Variants in RAP1GAP2 observed in about 807,000 individuals in gnomAD.
RAP1GAP2 encodes the protein RAP1 GTPase activating protein 2.
In RAP1GAP2, 27 loss-of-function variants were observed where a neutral mutation model predicts 95.0. The observed-to-expected ratio is 0.28, with a 90% CI of 0.21 to 0.39. The LOEUF is 0.39. RAP1GAP2 is among the 10% of genes least tolerant of loss of function. The probability of loss-of-function intolerance (pLI) is 1.00; values close to 1 mark genes in which losing one functional copy is unlikely to be tolerated. For synonymous variants in RAP1GAP2, 373 were observed against 380.9 expected (o/e 0.98, Z 0.24); for missense variants, 771 against 970.0 (o/e 0.79, Z 2.72).
At chr17:2,930,861 C>T (rs1232341119) in intron 3 of RAP1GAP2, among the ~76,000 whole-genome samples, 6 of 152,208 alleles carry the variant, frequency 3.9e-5, no homozygotes, top group South Asian at 2.1e-4. Context: ...TGGTGGCTCA[C>T]GCCTGTAATC....
chr17:2,805,379 C>T (rs771670015), intron 2 of RAP1GAP2, among the ~76,000 whole-genome samples: 2 of 151,892 alleles, frequency 1.3e-5, no homozygotes, highest in Non-Finnish European at 1.5e-5. Flanking sequence ...TTTTTGAGAC[C>T]GCGTCTTGGT....
At chr17:2,814,075 A>AGTAG (rs1295122963) in intron 2 of RAP1GAP2, among the ~76,000 whole-genome samples, 7 of 152,294 alleles carry the variant, frequency 4.6e-5, no homozygotes, top group African/African-American at 1.7e-4. Context: ...TTCTAGGCCT[A>AGTAG]GTAGGTTCAC....
At chr17:2,845,870 A>G (rs1260725355) in intron 2 of RAP1GAP2, among the ~76,000 whole-genome samples, 3 of 144,646 alleles carry the variant, frequency 2.1e-5, no homozygotes, top group Non-Finnish European at 4.5e-5. Context: ...TAAAATAAAT[A>G]AATAAAATAA....
intron 3 of RAP1GAP2, among the ~76,000 whole-genome samples, chr17:2,942,833 T>C (rs2043547091): frequency 6.6e-6 from 1 of 152,158 alleles, no homozygotes; most frequent in African/African-American, 2.4e-5. Flanking sequence ...AGTGGTGTGA[T>C]ATTGGCTCAC....
chr17:2,841,931 G>C (rs1020185058), intron 2 of RAP1GAP2, among the ~76,000 whole-genome samples: 1 of 152,234 alleles, frequency 6.6e-6, no homozygotes, highest in Non-Finnish European at 1.5e-5. Flanking sequence ...TGGCAGGCAG[G>C]TGAGGAGACC....
At chr17:2,959,302 G>A (rs546396915) in intron 4 of RAP1GAP2, among the ~76,000 whole-genome samples, 1 of 152,174 alleles carries the variant, frequency 6.6e-6, no homozygotes, top group Non-Finnish European at 1.5e-5. Flanking sequence ...TGCAGGGCTT[G>A]TCTGTTCATG....
chr17:2,829,013 C>T (rs1283181454), intron 2 of RAP1GAP2, among the ~76,000 whole-genome samples: 4 of 61,920 alleles, frequency 6.5e-5, no homozygotes, highest in Admixed American at 4.3e-4. Flanking sequence ...TGGGAAACCT[C>T]GCTCTGTCGC....
intron 19 of RAP1GAP2, among the ~76,000 whole-genome samples, chr17:3,024,614 G>A (rs1567909747): frequency 6.6e-6 from 1 of 152,234 alleles, no homozygotes; most frequent in Admixed American, 6.5e-5. Context: ...CTAGTGTACA[G>A]ATACTCATGG....
chr17:2,826,450 C>T (rs1356552435), intron 2 of RAP1GAP2, among the ~76,000 whole-genome samples: 6 of 151,952 alleles, frequency 3.9e-5, no homozygotes, highest in Non-Finnish European at 5.9e-5. Context: ...GGGATCCGCT[C>T]GGGGAGGCTC....
In RAP1GAP2 at chr17:3,036,767, A is replaced by G. The variant is rs116943378; in HGVS notation, c.*3406A>G. 0.035 allele frequency: 5,336 copies of G among 152,688 alleles called. 115 individuals carry two copies. The highest frequency in any genetic ancestry group is 0.11 in the Middle Eastern group (31 of 294). 9.5% of individuals were successfully genotyped at this position (152,688 alleles called of 1,614,324 possible). A position where few individuals can be genotyped will look rare whatever the true frequency, so the allele number is the denominator to read the frequency against. ...CTCTTCATTTCTCCCTGATTCTTAA[A>G]CGAAGGTGGTTAATAGAAACTCAGG... On this transcript the variant is annotated 3_prime_UTR_variant, in exon 25 of 25. Transcript: ENST00000254695.
intron 2 of RAP1GAP2, among the ~76,000 whole-genome samples, chr17:2,805,660 A>C (rs1597343189): frequency 6.6e-6 from 1 of 152,140 alleles, no homozygotes; most frequent in Non-Finnish European, 1.5e-5. Flanking sequence ...GGCGTGAGCC[A>C]CTGCACCTGG....
rs1343382347 is a variant in RAP1GAP2, at chr17:3,027,152, G to A, written c.2107+82G>A. ...CCACTGTTAGCAGGGCCCCAGCCAC[G>A]CTGAACTGGCCAGTTTTCACCCCTC... On this transcript the variant is annotated intron_variant, in intron 22 of 24. Coordinates refer to ENST00000254695, the MANE Select transcript of RAP1GAP2 (RefSeq NM_015085.5). This position sits in a 1 kb window ranked among gnomAD's most constrained non-coding sequence, Gnocchi z 5.2. 13 of 1,465,128 alleles carry A rather than the reference G, an allele frequency of 8.9e-6. No individual in the cohort carries two copies. Among genetic ancestry groups the A allele is most frequent in the African/African-American group, 2.8e-5 (2 of 71,134 alleles). 90.8% of individuals were successfully genotyped at this position (1,465,128 alleles called of 1,614,324 possible). A position where few individuals can be genotyped will look rare whatever the true frequency, so the allele number is the denominator to read the frequency against.
chr17:2,916,714 C>T (rs1023155062), intron 3 of RAP1GAP2, among the ~76,000 whole-genome samples: 2 of 152,144 alleles, frequency 1.3e-5, no homozygotes, highest in Admixed American at 6.5e-5. Flanking sequence ...GCATCTGATA[C>T]GCAGGTGCTC....
chr17:2,812,271 A>G (rs1013715407), intron 2 of RAP1GAP2, among the ~76,000 whole-genome samples: 5 of 152,218 alleles, frequency 3.3e-5, no homozygotes, highest in East Asian at 3.9e-4. Context: ...CTGACTCTCA[A>G]TTAACCTTTT....
Position 2,936,873 on chromosome 17 carries a change from G to A in RAP1GAP2, c.166-20886G>A, listed in dbSNP as rs780905668. On this transcript the variant is annotated intron_variant, in intron 3 of 24. Coordinates refer to ENST00000254695, the MANE Select transcript of RAP1GAP2 (RefSeq NM_015085.5). Reference sequence around the variant, plus strand: ...CCATGCTCCTTGCTCTTCGTTTTCCGGATTGTAATTATTTGCTTCTATGAT... The same window carrying A: ...CCATGCTCCTTGCTCTTCGTTTTCCAGATTGTAATTATTTGCTTCTATGAT... Among the ~76,000 whole-genome samples, 8 of 152,232 alleles carry A rather than the reference G, an allele frequency of 5.3e-5. No homozygotes were observed. The East Asian group carries it at 1.2e-3, about 22-fold the overall frequency.
chr17:2,979,474 T>G (rs1417933116), intron 8 of RAP1GAP2, among the ~76,000 whole-genome samples: 1 of 143,880 alleles, frequency 7.0e-6, no homozygotes, highest in African/African-American at 2.6e-5. Flanking sequence ...TTTTTTTTTT[T>G]TTTTTTTTTT....
In RAP1GAP2 at chr17:2,796,832, G is replaced by A. The variant is rs1350239239; in HGVS notation, c.44+261G>A. Reference sequence around the variant, plus strand: ...GCCCGTGGGGAGGTGGATAGCATGAGTGTGACTGCAGTTGAATGTGTGTGT... The same window carrying A: ...GCCCGTGGGGAGGTGGATAGCATGAATGTGACTGCAGTTGAATGTGTGTGT... On this transcript the variant is annotated intron_variant, in intron 1 of 24. Transcript: ENST00000254695. The surrounding 1 kb of genome is among the most constrained non-coding windows in gnomAD (Gnocchi z 4.7). Among the ~76,000 whole-genome samples the A allele has an allele frequency of 6.6e-6, 1 of 151,922 alleles. No individual in the cohort carries two copies. Among genetic ancestry groups the A allele is most frequent in the Non-Finnish European group, 1.5e-5 (1 of 68,008 alleles).
Position 2,905,371 on chromosome 17 carries a change from A to AAGAGGCTTCGATTCAGGAAGGCAG in RAP1GAP2, c.165+4_165+27dup. On this transcript the variant is annotated splice_donor_region_variant and intron_variant, in intron 3 of 24. Coordinates refer to ENST00000254695, the MANE Select transcript of RAP1GAP2 (RefSeq NM_015085.5). Reference sequence around the variant, plus strand: ...TCACGGCACCTCCCACCATGAAGGTAAGAGGCTTCGATTCAGGAAGGCAGG... The same window carrying AAGAGGCTTCGATTCAGGAAGGCAG: ...TCACGGCACCTCCCACCATGAAGGTAAGAGGCTTCGATTCAGGAAGGCAGAGAGGCTTCGATTCAGGAAGGCAGG... The AAGAGGCTTCGATTCAGGAAGGCAG allele has an allele frequency of 1.2e-6, 2 of 1,612,762 alleles. No individual in the cohort carries two copies. Among genetic ancestry groups the AAGAGGCTTCGATTCAGGAAGGCAG allele is most frequent in the Non-Finnish European group, 1.7e-6 (2 of 1,179,024 alleles).
chr17:2,795,681 T>A (rs368536248), upstream of RAP1GAP2, among the ~76,000 whole-genome samples: 12 of 152,272 alleles, frequency 7.9e-5, 1 homozygote, highest in Admixed American at 7.2e-4. Flanking sequence ...TCTGAGTATG[T>A]GGATGAGTGC....
Sources: allele counts gnomAD v4.1 joint callset (sites outside exome capture counted in the v4.1 genomes callset), GRCh38; gene constraint gnomAD v4.1.1; non-coding constraint Gnocchi (gnomAD v3.1); transcripts MANE v1.5; gene names NCBI Gene and HGNC (gene_info 2026-07-23, HGNC 2026-07-21).